Variants in RAPGEF1 observed in about 807,000 individuals in gnomAD.
The protein encoded by RAPGEF1 is CRK SH3-binding GNRP.
In RAPGEF1, 33 loss-of-function variants were observed where a neutral mutation model predicts 143.3. The ratio of observed to expected loss-of-function variants is 0.23; its 90% CI spans 0.17 to 0.31. RAPGEF1 has a LOEUF of 0.31. RAPGEF1 is among the 10% of genes least tolerant of loss of function. The probability of loss-of-function intolerance (pLI) is 1.00; values close to 1 mark genes in which losing one functional copy is unlikely to be tolerated. For missense variants in RAPGEF1, 1,199 were observed against 1,645.4 expected, an observed-to-expected ratio of 0.73 and a Z score of 4.69; for synonymous variants, 629 against 676.5, an observed-to-expected ratio of 0.93 and a Z score of 1.09.
rs1281324583 is a variant in RAPGEF1, at chr9:131,675,660, GC to G, written c.62-24712del. 6.6e-6 allele frequency among the ~76,000 whole-genome samples: 1 copy of G among 152,236 alleles called. No individual in the cohort carries two copies. The highest frequency in any genetic ancestry group is 1.5e-5 in the Non-Finnish European group (1 of 68,046). ...ATTATCCTGCCCCTGTACCAGGAAA[GC>G]CCCCAGGGAATGAAGGTAGAGAAGA... On this transcript the variant is annotated intron_variant, in intron 1 of 26. Transcript: ENST00000683357. The surrounding 1 kb of genome is among the most constrained non-coding windows in gnomAD (Gnocchi z 4.6).
chr9:131,623,350 C>G (rs912376865), intron 10 of RAPGEF1, among the ~76,000 whole-genome samples: 9 of 152,034 alleles, frequency 5.9e-5, no homozygotes, highest in Non-Finnish European at 2.9e-5. Flanking sequence ...GCCTATGGTC[C>G]CAGCTATTCA....
Position 131,621,788 on chromosome 9 carries a change from T to A in RAPGEF1, c.1905+8A>T. 1 of 1,595,366 alleles carries A rather than the reference T, an allele frequency of 6.3e-7. No individual in the cohort carries two copies. Among genetic ancestry groups the A allele is most frequent in the Middle Eastern group, 1.7e-4 (1 of 5,844 alleles). ...GAAGTTCTAGTCACAAGGGAAGGTG[T>A]CACTCACCAGCTGCCGCTGCTTGGG... On this transcript the variant is annotated splice_region_variant and intron_variant, in intron 11 of 26. Transcript: ENST00000683357. This position sits in a 1 kb window ranked among gnomAD's most constrained non-coding sequence, Gnocchi z 4.5.
chr9:131,723,349 TAAGTAACATTCATA>T (rs1564204160), intron 1 of RAPGEF1, among the ~76,000 whole-genome samples: 6 of 152,158 alleles, frequency 3.9e-5, no homozygotes, highest in Non-Finnish European at 7.4e-5. Context: ...TCAGTGGTAA[TAAGTAACATTCATA>T]ATGTGCCATC....
intron 25 of RAPGEF1, among the ~76,000 whole-genome samples, chr9:131,582,268 C>A (rs1025754616): frequency 6.6e-6 from 1 of 152,102 alleles, no homozygotes; most frequent in Admixed American, 6.6e-5. Flanking sequence ...AGGAGCCATA[C>A]ATCTGTCACA....
At chr9:131,719,523 A>C (rs1836103909) in intron 1 of RAPGEF1, among the ~76,000 whole-genome samples, 1 of 148,136 alleles carries the variant, frequency 6.8e-6, no homozygotes, top group Non-Finnish European at 1.5e-5. Context: ...TCTTCAACCC[A>C]GCTGGACAAG....
At chr9:131,591,750 C>T (rs1954309916) in intron 18 of RAPGEF1, among the ~76,000 whole-genome samples, 1 of 152,256 alleles carries the variant, frequency 6.6e-6, no homozygotes, top group Non-Finnish European at 1.5e-5. Context: ...GAGGCGTCTG[C>T]AGGACCGGCA....
intron 15 of RAPGEF1, among the ~76,000 whole-genome samples, chr9:131,599,583 A>G: frequency 6.6e-6 from 1 of 152,028 alleles, no homozygotes; most frequent in African/African-American, 2.4e-5. Flanking sequence ...GGCTTGCAGT[A>G]CTGAGCCTAA....
intron 14 of RAPGEF1, among the ~76,000 whole-genome samples, chr9:131,603,559 G>A (rs1401001712): frequency 6.6e-6 from 1 of 152,148 alleles, no homozygotes; most frequent in Non-Finnish European, 1.5e-5. Context: ...ATGAAGGTCT[G>A]AAAGGCCCTA....
At position 131,650,283 on chromosome 9, in the gene RAPGEF1, G is replaced by C. The variant is rs1373642544; in HGVS notation, c.202-41C>G. The C allele has an allele frequency of 6.8e-7, 1 of 1,464,428 alleles. No individual in the cohort carries two copies. Among genetic ancestry groups the C allele is most frequent in the Non-Finnish European group, 9.5e-7 (1 of 1,054,820 alleles). 90.7% of individuals were successfully genotyped at this position (1,464,428 alleles called of 1,614,324 possible). A position where few individuals can be genotyped will look rare whatever the true frequency, so the allele number is the denominator to read the frequency against. On this transcript the variant is annotated intron_variant, in intron 2 of 26. Coordinates refer to ENST00000683357, the MANE Select transcript of RAPGEF1 (RefSeq NM_001377935.1). This position sits in a 1 kb window ranked among gnomAD's most constrained non-coding sequence, Gnocchi z 4.7. ...CCTGGATTCCTACAGAGTTTGAAAT[G>C]GCTGTTTGAGGCCGAAGGGAGGGGT...
At chr9:131,593,721 G>A (rs1171651570) in intron 17 of RAPGEF1, among the ~76,000 whole-genome samples, 2 of 152,204 alleles carry the variant, frequency 1.3e-5, no homozygotes, top group African/African-American at 2.4e-5. Flanking sequence ...AGGAGGCTCC[G>A]GGCTGGGAAT....
intron 1 of RAPGEF1, among the ~76,000 whole-genome samples, chr9:131,723,814 C>T (rs1284233718): frequency 6.6e-6 from 1 of 152,182 alleles, no homozygotes; most frequent in East Asian, 1.9e-4. Context: ...TTTGCTGGAT[C>T]ATGTGGTAGT....
chr9:131,706,928 C>T (rs535790387), intron 1 of RAPGEF1, among the ~76,000 whole-genome samples: 53 of 152,314 alleles, frequency 3.5e-4, no homozygotes, highest in African/African-American at 1.2e-3. Flanking sequence ...GGTCCTACCA[C>T]TCTTCTCATT....
chr9:131,705,412 C>A (rs1422539710), intron 1 of RAPGEF1, among the ~76,000 whole-genome samples: 1 of 151,754 alleles, frequency 6.6e-6, no homozygotes, highest in Non-Finnish European at 1.5e-5. Context: ...CAATAAGATG[C>A]AGTCATTTGG....
intron 1 of RAPGEF1, among the ~76,000 whole-genome samples, chr9:131,737,984 A>T (rs10601800): frequency 0.02 from 1,179 of 59,562 alleles, 17 homozygotes; most frequent in African/African-American, 0.057. Context: ...AAAAAAAAAA[A>T]TTTTTTTTAA....
At chr9:131,618,936 C>A (rs1010007677) in intron 12 of RAPGEF1, 115 bp downstream of exon 12, 22 of 906,958 alleles carry the variant, frequency 2.4e-5, no homozygotes, top group Admixed American at 1.6e-4. Flanking sequence ...GGTGTAGGGA[C>A]CCGCAGAAGG....
At chr9:131,670,482 C>T (rs1250077946) in intron 1 of RAPGEF1, among the ~76,000 whole-genome samples, 1 of 152,156 alleles carries the variant, frequency 6.6e-6, no homozygotes, top group Non-Finnish European at 1.5e-5. Context: ...ACCTTGATCA[C>T]CAGGGGAGTA....
At chr9:131,673,691 C>T (rs531342504) in intron 1 of RAPGEF1, among the ~76,000 whole-genome samples, 4 of 152,182 alleles carry the variant, frequency 2.6e-5, no homozygotes, top group African/African-American at 9.6e-5. Flanking sequence ...ACAAAAGCAC[C>T]CCCCCGGCCG....
rs752635664 is a variant in RAPGEF1, at chr9:131,584,342, C to T, written c.3383G>A (p.Arg1128His). 5.6e-6 allele frequency: 9 copies of T among 1,613,140 alleles called. No individual in the cohort carries two copies. In the Admixed American group the frequency reaches 8.3e-5, roughly 15 times the overall value. Reference protein sequence around the residue: ...ILSALDSAPIRRLEWQKQTSE... With the variant: ...ILSALDSAPIHRLEWQKQTSE... ...AGTCTGCTTCTGCCACTCCAGCCTG[C>T]GGATGGGCGCCGAGTCCAGGGCAGA... Residue 1128 changes from arginine (R) to histidine (H), a missense_variant, in exon 24 of 27, where the codon CGC becomes CAC. Physicochemically the swap from Arg to His is conservative, Grantham distance 29. Coordinates refer to ENST00000683357, the MANE Select transcript of RAPGEF1 (RefSeq NM_001377935.1). This position sits in a 1 kb window ranked among gnomAD's most constrained non-coding sequence, Gnocchi z 6.8.
chr9:131,640,343 G>A (rs1240673993), intron 4 of RAPGEF1, among the ~76,000 whole-genome samples: 1 of 152,238 alleles, frequency 6.6e-6, no homozygotes, highest in East Asian at 1.9e-4. Flanking sequence ...CACACTGCTG[G>A]TAACAGTGAG....
Sources: gnomAD v4.1 joint callset for allele counts (sites outside exome capture counted in the v4.1 genomes callset) on GRCh38, gnomAD v4.1.1 for gene constraint, Gnocchi (gnomAD v3.1) non-coding constraint, MANE v1.5 for transcripts, NCBI Gene and HGNC (gene_info 2026-07-23, HGNC 2026-07-21) for gene names.